The following MCC variants were observed in gnomAD, a reference collection of about 807,000 sequenced individuals.
The protein encoded by MCC is MCC regulator of Wnt signaling pathway, also known as colorectal mutant cancer protein.
A neutral mutation model predicts 116.2 loss-of-function variants in MCC; 90 were observed. The ratio of observed to expected loss-of-function variants is 0.77; its 90% CI spans 0.65 to 0.92. The LOEUF is 0.92. MCC is among the 40% of genes least tolerant of loss of function. MCC has a pLI of 0.00. For missense variants in MCC, 1,516 were observed against 1,312.2 expected, an observed-to-expected ratio of 1.16 and a Z score of -2.40; for synonymous variants, 578 against 510.5, an observed-to-expected ratio of 1.13 and a Z score of -1.78.
chr5:113,382,128 GGA>G (rs1231634420), intron 2 of MCC, among the ~76,000 whole-genome samples: 1 of 152,094 alleles, frequency 6.6e-6, no homozygotes, highest in Non-Finnish European at 1.5e-5. Flanking sequence ...GTACTAATGG[GGA>G]CACAAAGTCA....
chr5:113,055,230 T>C (rs1159540596), intron 14 of MCC, among the ~76,000 whole-genome samples: 1 of 152,110 alleles, frequency 6.6e-6, no homozygotes, highest in Non-Finnish European at 1.5e-5. Context: ...AGCCCTGTCC[T>C]TGTCCCCAGA....
At chr5:113,145,869 C>T (rs1166082042) in intron 4 of MCC, among the ~76,000 whole-genome samples, 1 of 151,994 alleles carries the variant, frequency 6.6e-6, no homozygotes, top group African/African-American at 2.4e-5. Flanking sequence ...TCTGGTATTG[C>T]ACCATCCTTC....
chr5:113,339,867 C>T (rs1195684375), intron 3 of MCC, among the ~76,000 whole-genome samples: 1 of 152,198 alleles, frequency 6.6e-6, no homozygotes. Flanking sequence ...GGCTTTTAGA[C>T]CTTTCCCACA....
chr5:113,292,346 C>A (rs535927562), intron 3 of MCC, among the ~76,000 whole-genome samples: 1 of 152,158 alleles, frequency 6.6e-6, no homozygotes, highest in African/African-American at 2.4e-5. Flanking sequence ...AATCATGGTA[C>A]CTAAAACTGG....
intron 4 of MCC, among the ~76,000 whole-genome samples, chr5:113,147,861 T>C (rs550660834): frequency 4.6e-5 from 7 of 152,142 alleles, no homozygotes; most frequent in Non-Finnish European, 8.8e-5. Flanking sequence ...AAAAGTTATC[T>C]CAGAAAACAA....
intron 3 of MCC, chr5:113,322,975 C>G (rs770781317): frequency 1.3e-5 from 2 of 152,300 alleles, no homozygotes; most frequent in Non-Finnish European, 2.9e-5. Context: ...GAGGCTAGGT[C>G]ATAAAAGACA....
intron 3 of MCC, among the ~76,000 whole-genome samples, chr5:113,159,841 C>T (rs962738103): frequency 1.3e-5 from 2 of 152,152 alleles, no homozygotes; most frequent in Non-Finnish European, 2.9e-5. Context: ...TCAAGAAATG[C>T]TGCTCATAGT....
intron 3 of MCC, among the ~76,000 whole-genome samples, chr5:113,230,032 A>G (rs1763885710): frequency 6.6e-6 from 1 of 152,190 alleles, no homozygotes; most frequent in Admixed American, 6.5e-5. Context: ...TGTGTAGTCA[A>G]AGGATGGAAG....
At chr5:113,144,515 A>C (rs1581151879) in intron 4 of MCC, among the ~76,000 whole-genome samples, 2 of 151,968 alleles carry the variant, frequency 1.3e-5, no homozygotes, top group African/African-American at 4.8e-5. Context: ...CTCACCCGCT[A>C]CCTCCCCTGT....
intron 2 of MCC, among the ~76,000 whole-genome samples, chr5:113,354,349 T>C (rs1768356013): frequency 6.6e-6 from 1 of 152,158 alleles, no homozygotes; most frequent in South Asian, 2.1e-4. Context: ...ACTGGAAACA[T>C]CTGGTGAATT....
At chr5:113,385,469 C>T (rs13182505) in intron 1 of MCC, among the ~76,000 whole-genome samples, 1 of 151,976 alleles carries the variant, frequency 6.6e-6, no homozygotes, top group African/African-American at 2.4e-5. Context: ...CCTGTTTCCA[C>T]ACCCTTCTCT....
intron 4 of MCC, 116 bp from the exon 5 acceptor site, chr5:113,143,476 T>C: frequency 9.2e-7 from 1 of 1,082,234 alleles, no homozygotes; most frequent in Non-Finnish European, 1.3e-6. Flanking sequence ...ATGCCCCAAA[T>C]AAAATGTATG....
intron 14 of MCC, among the ~76,000 whole-genome samples, chr5:113,062,224 C>G (rs533179873): frequency 6.6e-6 from 1 of 152,320 alleles, no homozygotes; most frequent in South Asian, 2.1e-4. Flanking sequence ...GAAACAATGA[C>G]TCTGTGTTTT....
chr5:113,217,470 A>G (rs1267821412), intron 3 of MCC, among the ~76,000 whole-genome samples: 2 of 152,258 alleles, frequency 1.3e-5, no homozygotes, highest in African/African-American at 2.4e-5. Flanking sequence ...TAATGTACAT[A>G]CAAAACTTCA....
chr5:113,053,845 G>C lies in MCC; in HGVS notation c.2328C>G (p.Thr776=), dbSNP rs1443837313. The stretch of plus-strand genomic sequence containing the variant: ...TGTGGATGCTTTCCAGCTCCAGCAT[G>C]GTCAGCTTGACCGCAGCCCTGTCAT... ...LKNDRAAVKL[T]MLELESIHID... The change falls in exon 15 of 19, where the codon ACC becomes ACG. Residue 776 remains threonine (T), a synonymous_variant. Coordinates refer to ENST00000408903, the MANE Select transcript of MCC (RefSeq NM_001085377.2). 6.2e-7 allele frequency: 1 copy of C among 1,614,058 alleles called. No homozygotes were observed.
In MCC at chr5:113,023,149, G is replaced by C. The variant is rs975674194; in HGVS notation, c.*4153C>G. The C allele has an allele frequency of 2.0e-5, 3 of 152,210 alleles. No individual in the cohort carries two copies. The highest frequency in any genetic ancestry group is 4.4e-5 in the Non-Finnish European group (3 of 68,034). The allele number at this position is 152,210 out of a possible 1,614,324, so 9.4% of individuals were successfully genotyped here. Reference sequence around the variant, plus strand: ...TAGAGAATACAAATGTATTAAGTTAGAGTAATTTCAGGTGTGTTAAACAGG... The same window carrying C: ...TAGAGAATACAAATGTATTAAGTTACAGTAATTTCAGGTGTGTTAAACAGG... On this transcript the variant is annotated 3_prime_UTR_variant, in exon 19 of 19. Coordinates refer to ENST00000408903, the MANE Select transcript of MCC (RefSeq NM_001085377.2).
chr5:113,167,787 T>C (rs899813127), intron 3 of MCC, among the ~76,000 whole-genome samples: 1 of 152,076 alleles, frequency 6.6e-6, no homozygotes, highest in African/African-American at 2.4e-5. Flanking sequence ...TGTGCCACCA[T>C]GCCCGACTAA....
intron 1 of MCC, among the ~76,000 whole-genome samples, chr5:113,487,274 G>A (rs1038548709): frequency 2.0e-5 from 3 of 151,008 alleles, no homozygotes; most frequent in Non-Finnish European, 4.4e-5. Context: ...GCATCACCAA[G>A]ACATAGACTA....
At chr5:113,169,647 C>T (rs1166112182) in intron 3 of MCC, among the ~76,000 whole-genome samples, 4 of 151,552 alleles carry the variant, frequency 2.6e-5, no homozygotes, top group African/African-American at 2.4e-5. Flanking sequence ...ACATTCTGGC[C>T]ATGGGGAGAC....
Sources: gnomAD v4.1 joint callset for allele counts (sites outside exome capture counted in the v4.1 genomes callset) on GRCh38, gnomAD v4.1.1 for gene constraint, MANE v1.5 for transcripts, NCBI Gene and HGNC (gene_info 2026-07-23, HGNC 2026-07-21) for gene names.